CDH13: variants seen among roughly 807,000 people sequenced by gnomAD.
The protein encoded by CDH13 is cadherin-13.
A neutral mutation model predicts 63.8 loss-of-function variants in CDH13; 24 were observed. That is an observed-to-expected ratio of 0.38 (90% CI 0.27 to 0.53). The LOEUF (loss-of-function observed/expected upper bound fraction) is 0.53, where lower values mean the gene tolerates loss of function less well. CDH13 is among the 20% of genes least tolerant of loss of function. The probability of loss-of-function intolerance (pLI) is 0.85; values close to 1 mark genes in which losing one functional copy is unlikely to be tolerated. For missense variants in CDH13, 1,049 were observed against 903.1 expected (o/e 1.16, Z -2.07); for synonymous variants, 503 against 355.3 (o/e 1.42, Z -4.67).
intron 1 of CDH13, among the ~76,000 whole-genome samples, chr16:82,833,177 A>C (rs2151117413): frequency 6.6e-6 from 1 of 152,318 alleles, no homozygotes; most frequent in South Asian, 2.1e-4. Context: ...CTAAAAAACA[A>C]ATGTTTCGGA....
intron 7 of CDH13, among the ~76,000 whole-genome samples, chr16:83,567,288 A>G (rs1041180901): frequency 1.3e-5 from 2 of 152,186 alleles, no homozygotes; most frequent in Non-Finnish European, 2.9e-5. Flanking sequence ...GGCCATATCA[A>G]TCTAACTTTG....
At chr16:82,930,127 C>A (rs1223690079) in intron 2 of CDH13, among the ~76,000 whole-genome samples, 2 of 144,716 alleles carry the variant, frequency 1.4e-5, no homozygotes, top group African/African-American at 2.5e-5. Flanking sequence ...TCACTACAAC[C>A]TCTGCCTCCC....
At chr16:83,309,665 A>G (rs1834057) in intron 5 of CDH13, among the ~76,000 whole-genome samples, 77,905 of 152,130 alleles carry the variant, frequency 0.51, 20,135 homozygotes, top group Admixed American at 0.54. Flanking sequence ...GTGAGCCGCC[A>G]CGCCCAGCCC....
intron 1 of CDH13, among the ~76,000 whole-genome samples, chr16:82,660,820 C>G (rs1037252727): frequency 6.6e-6 from 1 of 152,068 alleles, no homozygotes; most frequent in African/African-American, 2.4e-5. Flanking sequence ...GCTGCTGCTG[C>G]TTCAATTTTG....
intron 6 of CDH13, among the ~76,000 whole-genome samples, chr16:83,371,373 A>G (rs1023016571): frequency 6.6e-6 from 1 of 152,172 alleles, no homozygotes; most frequent in South Asian, 2.1e-4. Flanking sequence ...CTAATATGAG[A>G]GAATCCACTA....
intron 10 of CDH13, among the ~76,000 whole-genome samples, chr16:83,690,710 A>C (rs1195381677): frequency 6.6e-6 from 1 of 152,042 alleles, no homozygotes; most frequent in African/African-American, 2.4e-5. Context: ...AGCTGCAGAC[A>C]CTGAATTTGT....
chr16:83,793,873 G>C (rs910101307), intron 13 of CDH13, among the ~76,000 whole-genome samples: 2 of 151,966 alleles, frequency 1.3e-5, no homozygotes, highest in African/African-American at 4.8e-5. Flanking sequence ...GATGGGGAGA[G>C]TATCTTGGAT....
intron 1 of CDH13, among the ~76,000 whole-genome samples, chr16:82,856,121 A>T (rs2039674271): frequency 6.6e-6 from 1 of 152,098 alleles, no homozygotes. Context: ...TCACACCTGT[A>T]ATCCCAGCAC....
At chr16:83,190,444 G>A (rs2038662900) in intron 4 of CDH13, among the ~76,000 whole-genome samples, 1 of 152,110 alleles carries the variant, frequency 6.6e-6, no homozygotes, top group African/African-American at 2.4e-5. Flanking sequence ...GCAGCACTGG[G>A]GACAGACCCT....
chr16:82,862,315 G>C (rs954077821), intron 2 of CDH13, among the ~76,000 whole-genome samples: 1 of 152,116 alleles, frequency 6.6e-6, no homozygotes, highest in African/African-American at 2.4e-5. Flanking sequence ...AGCTGGGATG[G>C]GAAGATCCCA....
intron 1 of CDH13, among the ~76,000 whole-genome samples, chr16:82,703,198 A>T (rs751806398): frequency 6.9e-6 from 1 of 144,536 alleles, no homozygotes; most frequent in Non-Finnish European, 1.5e-5. Flanking sequence ...CACACACTGG[A>T]TGTATACTAC....
At chr16:83,158,144 T>C (rs2037292979) in intron 4 of CDH13, among the ~76,000 whole-genome samples, 1 of 152,064 alleles carries the variant, frequency 6.6e-6, no homozygotes, top group Admixed American at 6.5e-5. Flanking sequence ...GAAGAGTCCC[T>C]TCCTGAATCC....
intron 2 of CDH13, among the ~76,000 whole-genome samples, chr16:82,903,465 C>G (rs1456233663): frequency 6.6e-6 from 1 of 152,184 alleles, no homozygotes; most frequent in Non-Finnish European, 1.5e-5. Context: ...AAATTTTTAT[C>G]CTCATCGTTT....
At chr16:82,700,951 ACCCG>A (rs1216610946) in intron 1 of CDH13, among the ~76,000 whole-genome samples, 39 of 13,824 alleles carry the variant, frequency 2.8e-3, no homozygotes, top group East Asian at 4.5e-3. Context: ...AAGTGCTGGA[ACCCG>A]CCCCCCCCCC....
intron 2 of CDH13, among the ~76,000 whole-genome samples, chr16:82,933,465 G>C (rs569077195): frequency 6.6e-6 from 1 of 152,140 alleles, no homozygotes; most frequent in Admixed American, 6.5e-5. Context: ...CATTCAAGAT[G>C]AGATTTGGGT....
At chr16:83,037,610 C>G (rs1283252600) in intron 3 of CDH13, among the ~76,000 whole-genome samples, 2 of 152,086 alleles carry the variant, frequency 1.3e-5, no homozygotes, top group African/African-American at 2.4e-5. Flanking sequence ...GACGTCTAGT[C>G]AGGCTTGAGT....
chr16:82,914,068 G>A (rs767408805), intron 2 of CDH13, among the ~76,000 whole-genome samples: 12 of 152,066 alleles, frequency 7.9e-5, no homozygotes, highest in African/African-American at 2.9e-4. Flanking sequence ...GGGTGGGCAT[G>A]GAGCTCTGAG....
chr16:83,442,047 C>G (rs1026767620), intron 6 of CDH13, among the ~76,000 whole-genome samples: 8 of 152,076 alleles, frequency 5.3e-5, no homozygotes, highest in African/African-American at 1.9e-4. Context: ...TTTTTGTCCA[C>G]AAGCAAAATA....
At chr16:83,337,042 G>T (rs192009529) in intron 5 of CDH13, among the ~76,000 whole-genome samples, 43 of 152,254 alleles carry the variant, frequency 2.8e-4, no homozygotes, top group African/African-American at 1.0e-3. Flanking sequence ...TTAATAGTTC[G>T]CCATGAAGCT....
Sources: allele counts gnomAD v4.1 joint callset (sites outside exome capture counted in the v4.1 genomes callset), GRCh38; gene constraint gnomAD v4.1.1; transcripts MANE v1.5; gene names NCBI Gene and HGNC (gene_info 2026-07-23, HGNC 2026-07-21).